Variants in TRAPPC9 observed in about 807,000 individuals in gnomAD.
The protein encoded by TRAPPC9 is IKK2 binding protein.
TRAPPC9 carries 83 observed loss-of-function variants against 124.0 expected under a neutral mutation model. The observed-to-expected ratio is 0.67, with a 90% CI of 0.56 to 0.80. The LOEUF is 0.80. Among genes scored for constraint, TRAPPC9 ranks in the 30% least tolerant of loss-of-function variants. The pLI, the probability that TRAPPC9 is intolerant of heterozygous loss-of-function variation, is 0.00. For missense variants in TRAPPC9, 1,302 were observed against 1,508.3 expected, an observed-to-expected ratio of 0.86 and a Z score of 2.27; for synonymous variants, 638 against 617.5, an observed-to-expected ratio of 1.03 and a Z score of -0.49.
intron 19 of TRAPPC9, among the ~76,000 whole-genome samples, chr8:139,946,649 GAT>G (rs1399714554): frequency 1.3e-5 from 2 of 150,482 alleles, no homozygotes; most frequent in African/African-American, 4.9e-5. Context: ...CAGGTGAAGA[GAT>G]ATGAGAGTAT....
chr8:139,901,226 C>T (rs1831001022), intron 20 of TRAPPC9, among the ~76,000 whole-genome samples: 1 of 152,070 alleles, frequency 6.6e-6, no homozygotes, highest in Admixed American at 6.6e-5. Flanking sequence ...TGTTTGCATC[C>T]CACGCGCAAG....
intron 16 of TRAPPC9, among the ~76,000 whole-genome samples, chr8:140,237,911 G>A (rs2063762406): frequency 1.3e-5 from 2 of 152,226 alleles, no homozygotes; most frequent in African/African-American, 2.4e-5. Context: ...CTGAATCAGA[G>A]CAGTGACGCG....
At chr8:140,014,654 C>A (rs868408433) in intron 18 of TRAPPC9, among the ~76,000 whole-genome samples, 1 of 152,084 alleles carries the variant, frequency 6.6e-6, no homozygotes, top group African/African-American at 2.4e-5. Flanking sequence ...GTCTGTCCAG[C>A]GGCAGAATAG....
intron 19 of TRAPPC9, among the ~76,000 whole-genome samples, chr8:139,940,920 G>A (rs775266403): frequency 1.2e-4 from 19 of 152,218 alleles, no homozygotes; most frequent in Non-Finnish European, 2.8e-4. Flanking sequence ...CAAGGCTGTG[G>A]GTGTCCCCAG....
intron 21 of TRAPPC9, among the ~76,000 whole-genome samples, chr8:139,843,540 C>T (rs11995254): frequency 0.065 from 9,920 of 152,290 alleles, 432 homozygotes; most frequent in Admixed American, 0.11. Context: ...ATTAAGCTCA[C>T]TTGGAGACAG....
intron 9 of TRAPPC9, among the ~76,000 whole-genome samples, chr8:140,342,538 T>C (rs2067223768): frequency 6.6e-6 from 1 of 152,158 alleles, no homozygotes; most frequent in Admixed American, 6.5e-5. Context: ...TTCTCTCTAG[T>C]TCTGAACAAA....
chr8:139,867,668 A>C (rs1828638290), intron 21 of TRAPPC9, among the ~76,000 whole-genome samples: 1 of 152,240 alleles, frequency 6.6e-6, no homozygotes, highest in Non-Finnish European at 1.5e-5. Context: ...CATTCCTGCC[A>C]AAAATGTTCA....
intron 17 of TRAPPC9, among the ~76,000 whole-genome samples, chr8:140,149,959 G>A (rs1486405190): frequency 2.6e-5 from 4 of 152,200 alleles, no homozygotes; most frequent in African/African-American, 9.6e-5. Context: ...TTGGTAAGAG[G>A]AGGAACCAGG....
intron 21 of TRAPPC9, among the ~76,000 whole-genome samples, chr8:139,812,601 T>C (rs72683241): frequency 0.059 from 8,988 of 152,298 alleles, 363 homozygotes; most frequent in East Asian, 0.13. Flanking sequence ...TTAAGTCACA[T>C]GTATATATCA....
intron 17 of TRAPPC9, among the ~76,000 whole-genome samples, chr8:140,122,765 A>G (rs2061011590): frequency 1.3e-5 from 2 of 152,198 alleles, no homozygotes; most frequent in South Asian, 4.1e-4. Flanking sequence ...CTGCAAGGCA[A>G]GTGTGCAGCA....
At chr8:139,804,628 C>A (rs1230468275) in intron 21 of TRAPPC9, among the ~76,000 whole-genome samples, 1 of 130,898 alleles carries the variant, frequency 7.6e-6, no homozygotes, top group Non-Finnish European at 1.6e-5. Context: ...CACCCACCAC[C>A]GCCACCAAGC....
intron 19 of TRAPPC9, chr8:139,914,972 T>A (rs752111570): frequency 1.9e-4 from 29 of 152,326 alleles, no homozygotes; most frequent in Admixed American, 4.6e-4. Flanking sequence ...TTCCAAAAAG[T>A]GACTCGGAAC....
rs770215675 is a variant in TRAPPC9 at position 140,182,006 on chromosome 8, T to C, written c.2556+39453A>G. Among the ~76,000 whole-genome samples, 1 of 152,184 alleles carries C rather than the reference T, an allele frequency of 6.6e-6. No homozygotes were observed. Among genetic ancestry groups the C allele is most frequent in the Non-Finnish European group, 1.5e-5 (1 of 68,026 alleles). Reference sequence around the variant, plus strand: ...TCTCCCCAGTCTGGGGACCAGACTTTCCTGGTCCAATCTGAGGGAAGCCCT... The same window carrying C: ...TCTCCCCAGTCTGGGGACCAGACTTCCCTGGTCCAATCTGAGGGAAGCCCT... On this transcript the variant is annotated intron_variant, in intron 17 of 22. Coordinates refer to ENST00000438773, the MANE Select transcript of TRAPPC9 (RefSeq NM_001160372.4). The surrounding 1 kb of genome is among the most constrained non-coding windows in gnomAD (Gnocchi z 4.0).
intron 17 of TRAPPC9, among the ~76,000 whole-genome samples, chr8:140,033,440 G>A (rs1309135689): frequency 6.6e-6 from 1 of 151,814 alleles, no homozygotes; most frequent in Non-Finnish European, 1.5e-5. Flanking sequence ...ATAACACCTA[G>A]AACGTCTGGA....
rs776849031 is a variant in TRAPPC9, at chr8:140,451,188, T to C, written c.186A>G (p.Pro62=). 2 of 1,614,036 alleles carry C rather than the reference T, an allele frequency of 1.2e-6. No individual in the cohort carries two copies. The highest frequency in any genetic ancestry group is 1.7e-5 in the Admixed American group (1 of 59,998). ...VLYIRYRHHY[P]PENNEWGDFQ... is the part of the protein sequence containing the mutation. The stretch of plus-strand genomic sequence containing the variant: ...AGTCACCCCACTCGTTGTTCTCGGG[T>C]GGGTAGTGGTGCCTGTAGCGGATGT... Residue 62 remains proline (P), a synonymous_variant, in exon 2 of 23, where the codon CCA becomes CCG. Transcript: ENST00000438773.
At chr8:140,406,404 G>A (rs747967933) in intron 5 of TRAPPC9, among the ~76,000 whole-genome samples, 7 of 152,216 alleles carry the variant, frequency 4.6e-5, no homozygotes, top group Admixed American at 6.5e-5. Flanking sequence ...TTAGCTTACA[G>A]AGAGTGAGCA....
chr8:139,917,017 G>A (rs551127936), intron 19 of TRAPPC9, among the ~76,000 whole-genome samples: 31 of 152,208 alleles, frequency 2.0e-4, no homozygotes, highest in East Asian at 1.9e-4. Context: ...TTCCTGACTC[G>A]TCCATCCTGA....
intron 8 of TRAPPC9, among the ~76,000 whole-genome samples, chr8:140,366,134 G>GTATA (rs2068101503): frequency 6.6e-6 from 1 of 152,150 alleles, no homozygotes; most frequent in Admixed American, 6.5e-5. Context: ...ATTCCACAGT[G>GTATA]TATATGTAGC....
chr8:140,155,361 A>T (rs1428784296), intron 17 of TRAPPC9, among the ~76,000 whole-genome samples: 2 of 152,166 alleles, frequency 1.3e-5, no homozygotes, highest in East Asian at 3.8e-4. Flanking sequence ...TACGGGAAAA[A>T]GCGTGTGCTC....
Sources: allele counts gnomAD v4.1 joint callset (sites outside exome capture counted in the v4.1 genomes callset), GRCh38; gene constraint gnomAD v4.1.1; non-coding constraint Gnocchi (gnomAD v3.1); transcripts MANE v1.5; gene names NCBI Gene and HGNC (gene_info 2026-07-23, HGNC 2026-07-21).